The following UNC5D variants were observed in gnomAD, a reference collection of about 807,000 sequenced individuals.
The protein encoded by UNC5D is unc-5 netrin receptor D.
In UNC5D, 39 loss-of-function variants were observed where a neutral mutation model predicts 105.4. That is an observed-to-expected ratio of 0.37 (90% confidence interval 0.29 to 0.48). The LOEUF is 0.48. Ranked by LOEUF, UNC5D falls within the 20% of genes least tolerant of loss-of-function variation. UNC5D has a pLI of 0.98. For missense variants in UNC5D, 991 were observed against 1,202.4 expected (o/e 0.82, Z 2.60); for synonymous variants, 452 against 450.4 (o/e 1.00, Z -0.04).
intron 7 of UNC5D, among the ~76,000 whole-genome samples, chr8:35,698,992 C>G (rs73583047): frequency 0.052 from 7,955 of 152,154 alleles, 418 homozygotes; most frequent in African/African-American, 0.11. Context: ...TCCCTTGGAG[C>G]AGAGTTGGAA....
intron 1 of UNC5D, among the ~76,000 whole-genome samples, chr8:35,398,823 A>C (rs111976903): frequency 3.3e-5 from 5 of 152,218 alleles, no homozygotes; most frequent in Non-Finnish European, 7.4e-5. Flanking sequence ...TCATTCTTTA[A>C]ATTTTTAAAC....
chr8:35,566,906 T>C (rs1343154243), intron 2 of UNC5D, among the ~76,000 whole-genome samples: 1 of 152,162 alleles, frequency 6.6e-6, no homozygotes, highest in Non-Finnish European at 1.5e-5. Context: ...TGTGATGAGT[T>C]AACTGGTGAG....
intron 1 of UNC5D, among the ~76,000 whole-genome samples, chr8:35,434,848 C>A (rs979741027): frequency 6.6e-5 from 10 of 152,146 alleles, no homozygotes; most frequent in African/African-American, 1.7e-4. Context: ...AAAATATTTT[C>A]TCTGGTAAAT....
intron 12 of UNC5D, among the ~76,000 whole-genome samples, 200 bp from the exon 13 acceptor site, chr8:35,750,382 T>G (rs1830215271): frequency 6.7e-6 from 1 of 148,616 alleles, no homozygotes; most frequent in African/African-American, 2.5e-5. Flanking sequence ...TGAGCCACCA[T>G]GCCTAGCCCA....
chr8:35,775,150 CT>C lies in UNC5D; in HGVS notation c.2657+674del, dbSNP rs569821487. ...CAAGCAAATTTCTCACGTCTCCCCT[CT>C]ACTATCGGGTAACCCTAAGCATTCT... On this transcript the variant is annotated intron_variant, in intron 16 of 16. Coordinates refer to ENST00000404895, the MANE Select transcript of UNC5D (RefSeq NM_080872.4). Among the ~76,000 whole-genome samples, 35 of 152,276 alleles carry C rather than the reference CT, an allele frequency of 2.3e-4. No individual in the cohort carries two copies. In the East Asian group the frequency reaches 6.6e-3, roughly 29 times the overall value.
At chr8:35,517,854 T>G (rs1586029371) in intron 1 of UNC5D, among the ~76,000 whole-genome samples, 1 of 152,128 alleles carries the variant, frequency 6.6e-6, no homozygotes, top group African/African-American at 2.4e-5. Context: ...CAGTGTCTGG[T>G]GCAGGACCAC....
intron 1 of UNC5D, among the ~76,000 whole-genome samples, chr8:35,326,584 G>A (rs1420144300): frequency 6.6e-6 from 1 of 151,990 alleles, no homozygotes; most frequent in Non-Finnish European, 1.5e-5. Flanking sequence ...GCAAGACAAG[G>A]TCTGTACCAA....
At chr8:35,551,682 G>T in intron 2 of UNC5D, among the ~76,000 whole-genome samples, 1 of 152,196 alleles carries the variant, frequency 6.6e-6, no homozygotes, top group Middle Eastern at 3.4e-3. Flanking sequence ...GCCAGGGTTG[G>T]TGACGGGTGC....
In UNC5D at chr8:35,408,653, GA is replaced by G. The variant is rs1804960859; in HGVS notation, c.104-140638del. Reference sequence around the variant, plus strand: ...CGGAAGGGGTATTTCCTATATTAAAGAGTGTGGTTAATTGTTGAATGCCTTA... The same window carrying G: ...CGGAAGGGGTATTTCCTATATTAAAGGTGTGGTTAATTGTTGAATGCCTTA... On this transcript the variant is annotated intron_variant, in intron 1 of 16. Transcript: ENST00000404895. 2.6e-5 allele frequency among the ~76,000 whole-genome samples: 4 copies of G among 151,672 alleles called. No individual in the cohort carries two copies. The Admixed American group carries it at 2.6e-4, about 10-fold the overall frequency.
chr8:35,610,630 T>C (rs960273309), intron 4 of UNC5D, among the ~76,000 whole-genome samples: 1 of 152,012 alleles, frequency 6.6e-6, no homozygotes, highest in Non-Finnish European at 1.5e-5. Context: ...AGAGGCCATG[T>C]AGAAGAAAAA....
chr8:35,529,897 T>A (rs1412314779), intron 1 of UNC5D, among the ~76,000 whole-genome samples: 13 of 150,708 alleles, frequency 8.6e-5, no homozygotes, highest in South Asian at 2.1e-4. Flanking sequence ...ATTGATTTTG[T>A]ATCCTGAGAC....
At chr8:35,695,671 T>C (rs1348880095) in intron 7 of UNC5D, among the ~76,000 whole-genome samples, 1 of 152,028 alleles carries the variant, frequency 6.6e-6, no homozygotes, top group Non-Finnish European at 1.5e-5. Context: ...TCATAAGAAA[T>C]ACATGTATTC....
chr8:35,599,142 C>CAAAAAAAA (rs34511041), intron 4 of UNC5D, among the ~76,000 whole-genome samples: 1 of 38,642 alleles, frequency 2.6e-5, no homozygotes, highest in African/African-American at 9.0e-5. Context: ...GACTCTGTCT[C>CAAAAAAAA]AAAAAAAAAA....
chr8:35,457,624 G>T (rs1401806067), intron 1 of UNC5D, among the ~76,000 whole-genome samples: 4 of 152,122 alleles, frequency 2.6e-5, no homozygotes, highest in Admixed American at 2.6e-4. Flanking sequence ...ATGGAGAATG[G>T]TTCTAATTGG....
intron 1 of UNC5D, among the ~76,000 whole-genome samples, chr8:35,327,803 T>C (rs2980377): frequency 0.79 from 119,766 of 151,834 alleles, 48,348 homozygotes; most frequent in East Asian, 1. Flanking sequence ...TCAGTTGATT[T>C]CACAAGTACA....
At chr8:35,656,431 A>G (rs1420403045) in intron 4 of UNC5D, among the ~76,000 whole-genome samples, 1 of 152,248 alleles carries the variant, frequency 6.6e-6, no homozygotes, top group Admixed American at 6.5e-5. Context: ...TAGCATAGAA[A>G]GCAAACACTT....
At chr8:35,524,640 CAAAAAAAAAAAAAAAGA>C (rs1813721365) in intron 1 of UNC5D, among the ~76,000 whole-genome samples, 2 of 71,130 alleles carry the variant, frequency 2.8e-5, no homozygotes, top group African/African-American at 1.1e-4. Context: ...ATGCCCTGTG[CAAAAAAAAAAAAAAAGA>C]AAAAAGAAAA....
intron 1 of UNC5D, among the ~76,000 whole-genome samples, chr8:35,517,384 C>T (rs758342056): frequency 1.8e-4 from 28 of 152,218 alleles, no homozygotes; most frequent in Non-Finnish European, 2.4e-4. Flanking sequence ...TGAAGAACAA[C>T]GGAAAATAGG....
chr8:35,333,024 C>T (rs564721674), intron 1 of UNC5D, among the ~76,000 whole-genome samples: 1 of 152,244 alleles, frequency 6.6e-6, no homozygotes, highest in Non-Finnish European at 1.5e-5. Flanking sequence ...GCTCCAAAAT[C>T]ACAGGTGGGT....
Sources: allele counts gnomAD v4.1 joint callset (sites outside exome capture counted in the v4.1 genomes callset), GRCh38; gene constraint gnomAD v4.1.1; transcripts MANE v1.5; gene names NCBI Gene and HGNC (gene_info 2026-07-23, HGNC 2026-07-21).